Variants in RYR3 observed in about 807,000 individuals in gnomAD.
RYR3 encodes ryanodine receptor 3.
Under a neutral mutation model 584.3 loss-of-function variants are expected in RYR3, and 207 were observed. The observed-to-expected ratio is 0.35, with a 90% CI of 0.32 to 0.40. The LOEUF (loss-of-function observed/expected upper bound fraction) is 0.40, where lower values mean the gene tolerates loss of function less well. Ranked by LOEUF, RYR3 falls within the 10% of genes least tolerant of loss-of-function variation. The probability of loss-of-function intolerance (pLI) is 1.00; values close to 1 mark genes in which losing one functional copy is unlikely to be tolerated. For missense variants in RYR3, 5,616 were observed against 6,089.2 expected (o/e 0.92, Z 2.59); for synonymous variants, 2,416 against 2,248.5 (o/e 1.07, Z -2.11).
rs779676833 is a variant in RYR3, at chr15:33,841,964, A to G, written c.13138A>G (p.Lys4380Glu). ...AAAGAAGAAGCGGCGGTGTGGTCAG[A>G]AGGTTGAGAAGCCGGAAGCTTTCAC... ...TKKKKRRCGQ[K>E]VEKPEAFTAN... The change falls in exon 91 of 104, where the codon AAG (lysine) becomes GAG (glutamate). Residue 4380 changes from lysine (K) to glutamate (E), a missense_variant. Lys to Glu is a moderately conservative substitution (Grantham distance 56). Transcript: ENST00000634891. 38 of 1,603,072 alleles carry G rather than the reference A, an allele frequency of 2.4e-5. 1 individual carries two copies. In the South Asian group the frequency reaches 4.2e-4, roughly 18 times the overall value.
rs71462873 is a variant in RYR3 at position 33,613,598 on chromosome 15, G to A, written c.2357+223G>A. Among the ~76,000 whole-genome samples, 1,457 of 152,314 alleles carry A rather than the reference G, an allele frequency of 9.6e-3. 17 individuals are homozygous for A. The highest frequency in any genetic ancestry group is 0.034 in the Middle Eastern group (10 of 294). On this transcript the variant is annotated intron_variant, in intron 19 of 103. Coordinates refer to ENST00000634891, the MANE Select transcript of RYR3 (RefSeq NM_001036.6). ...TATTATGTACTCAGATAAACAGTAA[G>A]ATTAATAGGATAAATCCTGTGTAGA...
intron 1 of RYR3, among the ~76,000 whole-genome samples, chr15:33,443,086 CTT>C (rs2046357919): frequency 6.6e-6 from 1 of 152,022 alleles, no homozygotes; most frequent in South Asian, 2.1e-4. Flanking sequence ...TGGTGAAACC[CTT>C]GTTTCTACTA....
At chr15:33,677,029 G>A (rs1254914477) in intron 38 of RYR3, among the ~76,000 whole-genome samples, 2 of 152,052 alleles carry the variant, frequency 1.3e-5, no homozygotes, top group Non-Finnish European at 2.9e-5. Context: ...TTTTATTCTC[G>A]CAACAAGCAA....
chr15:33,742,931 T>G (rs2070307348), intron 52 of RYR3, among the ~76,000 whole-genome samples: 1 of 152,192 alleles, frequency 6.6e-6, no homozygotes, highest in Non-Finnish European at 1.5e-5. Context: ...ACTCCCTTAT[T>G]AATAAGGCTC....
chr15:33,719,757 T>C (rs116284660), intron 43 of RYR3, among the ~76,000 whole-genome samples: 2,207 of 152,290 alleles, frequency 0.014, 53 homozygotes, highest in African/African-American at 0.05. Context: ...GAGTAAACTG[T>C]ATTAGGTATA....
intron 16 of RYR3, among the ~76,000 whole-genome samples, chr15:33,595,241 G>A (rs1465528997): frequency 6.6e-6 from 1 of 152,132 alleles, no homozygotes; most frequent in Non-Finnish European, 1.5e-5. Flanking sequence ...TGAGAGAGAA[G>A]ACTTAATTTT....
intron 1 of RYR3, among the ~76,000 whole-genome samples, chr15:33,404,587 G>GTTTTT (rs1314769832): frequency 3.8e-4 from 50 of 130,888 alleles, no homozygotes; most frequent in African/African-American, 1.6e-3. Context: ...TTACTACTGT[G>GTTTTT]TGTTTTTTTT....
chr15:33,670,787 G>A (rs913005989), intron 38 of RYR3, among the ~76,000 whole-genome samples: 4 of 152,078 alleles, frequency 2.6e-5, no homozygotes, highest in African/African-American at 9.7e-5. Context: ...GTTGCTTGGT[G>A]TCTGTTCTTG....
chr15:33,782,060 G>T (rs1192477050), intron 65 of RYR3, among the ~76,000 whole-genome samples: 5 of 152,118 alleles, frequency 3.3e-5, no homozygotes, highest in African/African-American at 1.2e-4. Context: ...GACAGTTCTG[G>T]ATATGTATAC....
intron 38 of RYR3, among the ~76,000 whole-genome samples, chr15:33,683,746 C>A (rs1269417523): frequency 6.6e-6 from 1 of 152,256 alleles, no homozygotes; most frequent in Admixed American, 6.5e-5. Flanking sequence ...GAAGCCGTGA[C>A]AGACTGTACC....
chr15:33,360,906 A>T (rs920950140), intron 1 of RYR3, among the ~76,000 whole-genome samples: 1 of 152,246 alleles, frequency 6.6e-6, no homozygotes, highest in African/African-American at 2.4e-5. Context: ...AGACCTGAGC[A>T]GAGGTTGCAC....
chr15:33,379,683 C>CTATATATATA (rs1216681475), intron 1 of RYR3, among the ~76,000 whole-genome samples: 1 of 116,888 alleles, frequency 8.6e-6, no homozygotes, highest in Non-Finnish European at 1.7e-5. Context: ...CTCTCTCTCT[C>CTATATATATA]TCTCTATATA....
At chr15:33,842,338 A>T (rs2078423151) in intron 91 of RYR3, among the ~76,000 whole-genome samples, 1 of 152,314 alleles carries the variant, frequency 6.6e-6, no homozygotes, top group Non-Finnish European at 1.5e-5. Flanking sequence ...TATGTGTATT[A>T]TGTGGGGACT....
chr15:33,353,952 C>G (rs926582585), intron 1 of RYR3, among the ~76,000 whole-genome samples: 3 of 152,134 alleles, frequency 2.0e-5, no homozygotes, highest in Non-Finnish European at 2.9e-5. Flanking sequence ...TGACTCCAGC[C>G]TTTTGAAAGA....
At chr15:33,420,150 A>G (rs1407738649) in intron 1 of RYR3, among the ~76,000 whole-genome samples, 1 of 152,210 alleles carries the variant, frequency 6.6e-6, no homozygotes, top group African/African-American at 2.4e-5. Flanking sequence ...CCATAATCAC[A>G]CTTTCTCCTT....
intron 1 of RYR3, among the ~76,000 whole-genome samples, chr15:33,417,989 G>A (rs757095456): frequency 5.3e-5 from 8 of 152,050 alleles, no homozygotes; most frequent in Admixed American, 2.6e-4. Context: ...ATCAAATTGC[G>A]TATGTTGAAC....
chr15:33,739,757 CTGATTGG>C (rs1444464972), intron 50 of RYR3, 68 bp from the exon 51 acceptor site: 1 of 1,257,460 alleles, frequency 8.0e-7, no homozygotes, highest in African/African-American at 1.5e-5. Context: ...CTGTTTTCAG[CTGATTGG>C]TGATTGGTTC....
In RYR3 at chr15:33,311,441, G is replaced by A. The variant is rs1431661857; in HGVS notation, c.51+345G>A. On this transcript the variant is annotated intron_variant, in intron 1 of 103. Coordinates refer to ENST00000634891, the MANE Select transcript of RYR3 (RefSeq NM_001036.6). The surrounding 1 kb of genome is among the most constrained non-coding windows in gnomAD (Gnocchi z 4.4). ...TGTTCGCGGTTGTCCTGACCCATAA[G>A]ATCGGCGTTGGAAGCCCTCGCCCCG... Among the ~76,000 whole-genome samples the A allele has an allele frequency of 1.3e-5, 2 of 152,186 alleles. No homozygotes were observed. Among genetic ancestry groups the A allele is most frequent in the African/African-American group, 4.8e-5 (2 of 41,450 alleles).
At chr15:33,618,685 G>A (rs917548191) in intron 19 of RYR3, among the ~76,000 whole-genome samples, 1 of 152,178 alleles carries the variant, frequency 6.6e-6, no homozygotes, top group African/African-American at 2.4e-5. Context: ...CCAGCTCTCT[G>A]GGAGGAATTC....
Sources: gnomAD v4.1 joint callset for allele counts (sites outside exome capture counted in the v4.1 genomes callset) on GRCh38, gnomAD v4.1.1 for gene constraint, Gnocchi (gnomAD v3.1) non-coding constraint, MANE v1.5 for transcripts, NCBI Gene and HGNC (gene_info 2026-07-23, HGNC 2026-07-21) for gene names.